SNX24: variants seen among roughly 807,000 people sequenced by gnomAD.
SNX24 encodes sorting nexin-24.
A neutral mutation model predicts 28.7 loss-of-function variants in SNX24; 22 were observed. The ratio of observed to expected loss-of-function variants is 0.77; its 90% confidence interval spans 0.55 to 1.10. The LOEUF (loss-of-function observed/expected upper bound fraction) is 1.10, where lower values mean the gene tolerates loss of function less well. SNX24 is among the 50% of genes least tolerant of loss of function. The pLI, the probability that SNX24 is intolerant of heterozygous loss-of-function variation, is 0.00. For synonymous variants in SNX24, 69 were observed against 71.5 expected, an observed-to-expected ratio of 0.96 and a Z score of 0.18; for missense variants, 221 against 201.1, an observed-to-expected ratio of 1.10 and a Z score of -0.60.
chr5:122,978,998 T>C (rs754770796), intron 3 of SNX24, among the ~76,000 whole-genome samples: 1 of 152,226 alleles, frequency 6.6e-6, no homozygotes, highest in Non-Finnish European at 1.5e-5. Context: ...TTTAATTCAA[T>C]GAGAATGTAT....
intron 1 of SNX24, among the ~76,000 whole-genome samples, chr5:122,894,299 C>T (rs375950501): frequency 1.3e-5 from 2 of 152,138 alleles, no homozygotes; most frequent in East Asian, 1.9e-4. Context: ...CTCTTTTGTG[C>T]ATGCACACAC....
rs1759673047 is a variant in SNX24 at position 122,946,131 on chromosome 5, G to A, written c.221G>A (p.Arg74Gln). 4.4e-6 allele frequency: 7 copies of A among 1,608,586 alleles called. No homozygotes were observed. The highest frequency in any genetic ancestry group is 6.0e-6 in the Non-Finnish European group (7 of 1,175,744). The part of the protein sequence containing the change: ...RNWVPKVLEQ[R>Q]RQGLETYLQA... ...TGGGTCCCCAAAGTCTTGGAACAGC[G>A]ACGACAAGGCTTGGAAACATACTTA... Residue 74 changes from arginine (R) to glutamine (Q), a missense_variant, in exon 3 of 7, where the codon CGA (arginine) becomes CAA (glutamine). By Grantham distance (43) the Arg-to-Gln change is conservative (BLOSUM62 1). Coordinates refer to ENST00000261369, the MANE Select transcript of SNX24 (RefSeq NM_014035.4).
rs1335519869 is a variant in SNX24, at chr5:122,982,706, A to G, written c.250-17206A>G. ...GTTTGAAAGAAATATGTACAGTGAT[A>G]CAGTTACTAAAGGGGGAGGGGTTTG... On this transcript the variant is annotated intron_variant, in intron 3 of 6. Transcript: ENST00000261369. 7.2e-5 allele frequency among the ~76,000 whole-genome samples: 11 copies of G among 152,354 alleles called. No homozygotes were observed. The East Asian group carries it at 2.1e-3, about 29-fold the overall frequency.
At chr5:122,912,953 A>G (rs2150091564) in intron 1 of SNX24, among the ~76,000 whole-genome samples, 1 of 152,200 alleles carries the variant, frequency 6.6e-6, no homozygotes, top group South Asian at 2.1e-4. Flanking sequence ...TGTTTAACAA[A>G]GCACATCTTG....
At chr5:122,955,852 CCT>C (rs1190724886) in intron 3 of SNX24, among the ~76,000 whole-genome samples, 1 of 152,136 alleles carries the variant, frequency 6.6e-6, no homozygotes, top group Non-Finnish European at 1.5e-5. Flanking sequence ...CTGTTACCAC[CCT>C]CTCATCGACA....
At chr5:122,897,377 C>A (rs1175653636) in intron 1 of SNX24, among the ~76,000 whole-genome samples, 1 of 152,046 alleles carries the variant, frequency 6.6e-6, no homozygotes, top group African/African-American at 2.4e-5. Flanking sequence ...CTCCCTATTT[C>A]TGCTACCTTA....
intron 3 of SNX24, among the ~76,000 whole-genome samples, chr5:122,994,034 A>G (rs34126945): frequency 0.25 from 37,682 of 152,082 alleles, 5,412 homozygotes; most frequent in Non-Finnish European, 0.33. Flanking sequence ...TAGACAATGG[A>G]AAGAAGTGTG....
intron 5 of SNX24, chr5:123,023,834 A>ACACACACC: frequency 6.2e-7 from 1 of 1,606,958 alleles, no homozygotes; most frequent in Non-Finnish European, 8.5e-7. Context: ...ACACACACAC[A>ACACACACC]CACCCCTGCC....
intron 3 of SNX24, among the ~76,000 whole-genome samples, chr5:122,989,054 C>T (rs1238515458): frequency 1.3e-5 from 2 of 151,968 alleles, no homozygotes; most frequent in African/African-American, 4.8e-5. Context: ...TTCTCTTTCT[C>T]TCTCTTTTTA....
At chr5:122,915,172 A>G (rs1300010989) in intron 1 of SNX24, among the ~76,000 whole-genome samples, 4 of 152,014 alleles carry the variant, frequency 2.6e-5, no homozygotes, top group African/African-American at 9.7e-5. Context: ...TGACTCTACC[A>G]CCTAATCATC....
intron 1 of SNX24, chr5:122,891,036 G>T (rs955989748): frequency 6.6e-7 from 1 of 1,507,000 alleles, no homozygotes; most frequent in Non-Finnish European, 8.9e-7. Context: ...GGTGGTAATA[G>T]TTTGGCATAG....
At chr5:122,933,487 C>T (rs1759049462) in intron 1 of SNX24, among the ~76,000 whole-genome samples, 1 of 152,344 alleles carries the variant, frequency 6.6e-6, no homozygotes, top group East Asian at 1.9e-4. Flanking sequence ...GGGTCCCCTT[C>T]CCTGGGCCTG....
At chr5:122,945,272 A>G (rs149009032) in intron 2 of SNX24, among the ~76,000 whole-genome samples, 1 of 152,312 alleles carries the variant, frequency 6.6e-6, no homozygotes, top group East Asian at 1.9e-4. Flanking sequence ...GCCCACCCCA[A>G]TAATCCAGGA....
At chr5:122,863,441 G>T (rs1423410120) in intron 1 of SNX24, among the ~76,000 whole-genome samples, 1 of 152,096 alleles carries the variant, frequency 6.6e-6, no homozygotes, top group Non-Finnish European at 1.5e-5. Flanking sequence ...AGTGTGGTGG[G>T]GGAAATAATG....
At chr5:122,906,098 C>T (rs563249351) in intron 1 of SNX24, among the ~76,000 whole-genome samples, 1 of 152,286 alleles carries the variant, frequency 6.6e-6, no homozygotes, top group African/African-American at 2.4e-5. Context: ...TAAAGTGTTC[C>T]TCTGCATTCT....
chr5:122,864,385 C>T (rs1177332857), intron 1 of SNX24, among the ~76,000 whole-genome samples: 1 of 152,124 alleles, frequency 6.6e-6, no homozygotes, highest in African/African-American at 2.4e-5. Context: ...GAATTGTAAC[C>T]GCCCAATGGG....
At chr5:122,858,033 G>A (rs979843318) in intron 1 of SNX24, among the ~76,000 whole-genome samples, 45 of 152,126 alleles carry the variant, frequency 3.0e-4, no homozygotes, top group African/African-American at 6.5e-4. Context: ...CGCCCACCTC[G>A]GCCTCCAAAA....
intron 1 of SNX24, among the ~76,000 whole-genome samples, chr5:122,929,460 G>A (rs1203310321): frequency 1.3e-5 from 2 of 151,580 alleles, no homozygotes; most frequent in African/African-American, 4.9e-5. Flanking sequence ...TAGAGACAAC[G>A]TTGCCTTATA....
rs117946997 is a variant in SNX24 at position 122,941,654 on chromosome 5, C to G, written c.145-4401C>G. ...AAGGTACTTTTTTAAAAGTAGGGAC[C>G]ATGTCCTGTCTTTCATATCTTTCAC... On this transcript the variant is annotated intron_variant, in intron 2 of 6. Transcript: ENST00000261369. Among the ~76,000 whole-genome samples the G allele has an allele frequency of 9.0e-3, 1,372 of 152,204 alleles. 21 individuals carry two copies. Among genetic ancestry groups the G allele is most frequent in the East Asian group, 0.07 (364 of 5,182 alleles).
Sources: gnomAD v4.1 joint callset for allele counts (sites outside exome capture counted in the v4.1 genomes callset) on GRCh38, gnomAD v4.1.1 for gene constraint, MANE v1.5 for transcripts, NCBI Gene and HGNC (gene_info 2026-07-23, HGNC 2026-07-21) for gene names.